MAF: variants seen among roughly 807,000 people sequenced by gnomAD.
MAF encodes the protein MAF bZIP transcription factor.
A neutral mutation model predicts 22.0 loss-of-function variants in MAF; 10 were observed. The observed-to-expected ratio is 0.45, with a 90% CI of 0.28 to 0.77. MAF has a LOEUF of 0.77. Ranked by LOEUF, MAF falls within the 30% of genes least tolerant of loss-of-function variation. The pLI, the probability that MAF is intolerant of heterozygous loss-of-function variation, is 0.12. For synonymous variants in MAF, 337 were observed against 255.8 expected (o/e 1.32, Z -3.03); for missense variants, 544 against 548.4 (o/e 0.99, Z 0.08).
chr16:79,380,394 T>G, the MAF span, among the ~76,000 whole-genome samples: 1 of 152,222 alleles, frequency 6.6e-6, no homozygotes, highest in Non-Finnish European at 1.5e-5. Context: ...TGCTGAATGC[T>G]TCTTAGGTCC....
At chr16:79,287,264 A>C in the MAF span, among the ~76,000 whole-genome samples, 1 of 152,196 alleles carries the variant, frequency 6.6e-6, no homozygotes, top group African/African-American at 2.4e-5. Flanking sequence ...GGATTGCGGC[A>C]GGCTGTTAGA....
At chr16:79,559,851 C>A in the MAF span, among the ~76,000 whole-genome samples, 1 of 152,166 alleles carries the variant, frequency 6.6e-6, no homozygotes, top group East Asian at 1.9e-4. Flanking sequence ...AGTTCTCCTA[C>A]CATAACACTG....
chr16:79,320,708 A>G, the MAF span, among the ~76,000 whole-genome samples: 1 of 152,216 alleles, frequency 6.6e-6, no homozygotes, highest in Non-Finnish European at 1.5e-5. Context: ...CACTTATCCC[A>G]TAGAGCTGTT....
chr16:79,233,098 C>G, the MAF span, among the ~76,000 whole-genome samples: 1 of 151,864 alleles, frequency 6.6e-6, no homozygotes, highest in South Asian at 2.1e-4. Context: ...CCTCGGCCTC[C>G]CAAAGTGCTG....
At chr16:79,417,153 G>A in the MAF span, among the ~76,000 whole-genome samples, 1 of 152,172 alleles carries the variant, frequency 6.6e-6, no homozygotes, top group Non-Finnish European at 1.5e-5. Context: ...GGCTGAGGAG[G>A]TGCCTGCAGC....
At chr16:79,463,583 T>C in the MAF span, among the ~76,000 whole-genome samples, 6 of 152,116 alleles carry the variant, frequency 3.9e-5, no homozygotes, top group African/African-American at 1.2e-4. Flanking sequence ...TTTGTAAGGG[T>C]CTGAGTGGGA....
chr16:79,205,370 G>A, the MAF span: 1 of 152,156 alleles, frequency 6.6e-6, no homozygotes, highest in Admixed American at 6.5e-5. Context: ...GGAGCCTGAG[G>A]TTTTTCTACC....
At chr16:79,374,556 T>G in the MAF span, among the ~76,000 whole-genome samples, 16 of 152,212 alleles carry the variant, frequency 1.1e-4, no homozygotes, top group Admixed American at 1.0e-3. Context: ...TATTTCCAAG[T>G]TACAAAGCAT....
the MAF span, among the ~76,000 whole-genome samples, chr16:79,517,560 T>C: frequency 1.4e-5 from 2 of 141,522 alleles, no homozygotes; most frequent in East Asian, 4.4e-4. Flanking sequence ...TTGAGTGGAC[T>C]GTTTAGTCTT....
chr16:79,346,766 A>T, the MAF span, among the ~76,000 whole-genome samples: 1 of 152,214 alleles, frequency 6.6e-6, no homozygotes, highest in African/African-American at 2.4e-5. Flanking sequence ...CAAGAACTTG[A>T]CAGGGGCATC....
At chr16:79,295,909 G>A in the MAF span, among the ~76,000 whole-genome samples, 1 of 152,360 alleles carries the variant, frequency 6.6e-6, no homozygotes, top group East Asian at 1.9e-4. Context: ...AATCAGCAAT[G>A]TTTGCATTCT....
the MAF span, among the ~76,000 whole-genome samples, chr16:79,494,333 A>T: frequency 6.6e-6 from 1 of 152,250 alleles, no homozygotes; most frequent in East Asian, 1.9e-4. Context: ...CAGTTGTAGG[A>T]CTGAGGTCTC....
the MAF span, among the ~76,000 whole-genome samples, chr16:79,225,596 A>C: frequency 6.6e-6 from 1 of 152,228 alleles, no homozygotes; most frequent in Non-Finnish European, 1.5e-5. Flanking sequence ...GGAAACCTAC[A>C]GAATGGGAGA....
At chr16:79,413,351 T>G in the MAF span, among the ~76,000 whole-genome samples, 2 of 145,252 alleles carry the variant, frequency 1.4e-5, no homozygotes, top group Admixed American at 1.4e-4. Context: ...CACGCCATTC[T>G]CCTGCCTCAG....
chr16:79,535,836 G>A, the MAF span, among the ~76,000 whole-genome samples: 1 of 152,084 alleles, frequency 6.6e-6, no homozygotes, highest in Non-Finnish European at 1.5e-5. Flanking sequence ...CTCCCAAAGT[G>A]CTGGGATTAC....
chr16:79,521,230 C>G, the MAF span, among the ~76,000 whole-genome samples: 1 of 152,216 alleles, frequency 6.6e-6, no homozygotes, highest in African/African-American at 2.4e-5. Flanking sequence ...TCCCTATTTA[C>G]TTTTCGTTAA....
the MAF span, among the ~76,000 whole-genome samples, chr16:79,442,018 G>C: frequency 6.6e-6 from 1 of 152,222 alleles, no homozygotes; most frequent in East Asian, 1.9e-4. Context: ...GAGTGCCAAA[G>C]AACGCCAGCA....
At chr16:79,217,270 G>A in the MAF span, among the ~76,000 whole-genome samples, 2 of 152,218 alleles carry the variant, frequency 1.3e-5, no homozygotes, top group Admixed American at 1.3e-4. Context: ...GTCAGGATGT[G>A]AAGCCAGCTC....
chr16:79,393,261 C>G, the MAF span, among the ~76,000 whole-genome samples: 1 of 151,242 alleles, frequency 6.6e-6, no homozygotes, highest in Non-Finnish European at 1.5e-5. Flanking sequence ...TACCTACAGA[C>G]TGGATTCCAA....
Sources: allele counts gnomAD v4.1 joint callset (sites outside exome capture counted in the v4.1 genomes callset), GRCh38; gene constraint gnomAD v4.1.1; transcripts MANE v1.5; gene names NCBI Gene and HGNC (gene_info 2026-07-23, HGNC 2026-07-21).